HDAC9: variants seen among roughly 807,000 people sequenced by gnomAD.
The protein encoded by HDAC9 is histone deacetylase 9.
HDAC9 carries 41 observed loss-of-function variants against 139.4 expected under a neutral mutation model. The observed-to-expected ratio is 0.29, with a 90% CI of 0.23 to 0.38. The LOEUF (loss-of-function observed/expected upper bound fraction) is 0.38, where lower values mean the gene tolerates loss of function less well. Among genes scored for constraint, HDAC9 ranks in the 10% least tolerant of loss-of-function variants. HDAC9 has a pLI of 1.00. For missense variants in HDAC9, 1,147 were observed against 1,297.0 expected (o/e 0.88, Z 1.78); for synonymous variants, 517 against 476.2 (o/e 1.09, Z -1.12).
Position 18,582,942 on chromosome 7 carries a change from C to T in HDAC9, c.23-2339C>T, listed in dbSNP as rs142607870. ...GGCATTGTACACATATATGTATACA[C>T]GTGGGTCATATATATGATAATAATC... On this transcript the variant is annotated intron_variant, in intron 2 of 25. Transcript: ENST00000686413. 3.4e-3 allele frequency among the ~76,000 whole-genome samples: 519 copies of T among 152,170 alleles called. 6 individuals carry two copies. The highest frequency in any genetic ancestry group is 0.012 in the African/African-American group (488 of 41,518).
Position 18,547,575 on chromosome 7 carries a change from G to T in HDAC9, c.23-37706G>T, listed in dbSNP as rs912044967. On this transcript the variant is annotated intron_variant, in intron 2 of 25. Coordinates refer to ENST00000686413, the MANE Select transcript of HDAC9 (RefSeq NM_178425.4). ...TTAAAATAAGACAACAATGAAGTTG[G>T]CTGCATCGATTGACTTTTCCTTTCA... 5.9e-5 allele frequency among the ~76,000 whole-genome samples: 9 copies of T among 152,262 alleles called. 1 individual carries two copies. The highest frequency in any genetic ancestry group is 3.4e-3 in the Middle Eastern group (1 of 294).
At chr7:18,282,790 A>G (rs1797184298) in intron 2 of HDAC9, among the ~76,000 whole-genome samples, 1 of 152,070 alleles carries the variant, frequency 6.6e-6, no homozygotes, top group East Asian at 1.9e-4. Context: ...CTATACAGCC[A>G]GTCACCTTGT....
chr7:18,236,792 A>G (rs5022513), intron 2 of HDAC9, among the ~76,000 whole-genome samples: 15 of 152,232 alleles, frequency 9.9e-5, no homozygotes, highest in African/African-American at 2.6e-4. Context: ...CTGTGGCAAA[A>G]TATGATCCAC....
chr7:18,114,974 T>A (rs1783872758), intron 1 of HDAC9, among the ~76,000 whole-genome samples: 4 of 152,164 alleles, frequency 2.6e-5, no homozygotes, highest in Non-Finnish European at 5.9e-5. Flanking sequence ...GAGTATAGAT[T>A]AGAAGTGTAT....
chr7:18,108,083 T>G (rs1369660289), intron 1 of HDAC9, among the ~76,000 whole-genome samples: 3 of 152,194 alleles, frequency 2.0e-5, no homozygotes, highest in Non-Finnish European at 4.4e-5. Flanking sequence ...GTGAAAAATA[T>G]GCCTACAATT....
Position 18,666,459 on chromosome 7 carries a change from G to A in HDAC9, c.1714G>A (p.Ala572Thr). The change falls in exon 12 of 26, where the codon GCT becomes ACT. Residue 572 changes from alanine to threonine, a missense_variant. Physicochemically the swap from Ala to Thr is moderately conservative, Grantham distance 58. Around this residue, in one of 7 missense-constraint regions of HDAC9, gnomAD observed 256 missense variants for 219.2 expected, o/e 1.17. Transcript: ENST00000686413. ...QIQEMESGEQ[A>T]AFMQQPFLEP... Reference sequence around the variant, plus strand: ...CCAGGAAATGGAATCTGGGGAGCAGGCTGCTTTTATGCAACAGGTAATAGG... The same window carrying A: ...CCAGGAAATGGAATCTGGGGAGCAGACTGCTTTTATGCAACAGGTAATAGG... 2 of 1,610,002 alleles carry A rather than the reference G, an allele frequency of 1.2e-6. No homozygotes were observed. The highest frequency in any genetic ancestry group is 2.2e-5 in the South Asian group (2 of 90,776).
rs1830613976 is a variant in HDAC9 at position 18,590,402 on chromosome 7, C to G, written c.331C>G (p.Gln111Glu). 6.2e-7 allele frequency: 1 copy of G among 1,610,238 alleles called. No individual in the cohort carries two copies. The change falls in exon 4 of 26, where the codon CAG becomes GAG. Residue 111 changes from glutamine (Q) to glutamate (E), a missense_variant. Coordinates refer to ENST00000686413, the MANE Select transcript of HDAC9 (RefSeq NM_178425.4). ...ELLEKEQKLE[Q>E]QRQEQEVERH... ...CCTAGAAAAGGAGCAGAAACTGGAG[C>G]AGCAGAGGCAAGAACAGGAAGTAGA... is the stretch of plus-strand genomic sequence containing the variant.
chr7:18,945,446 C>T (rs747262731), intron 23 of HDAC9, among the ~76,000 whole-genome samples: 2 of 152,022 alleles, frequency 1.3e-5, no homozygotes, highest in East Asian at 1.9e-4. Context: ...GTCTTTTCAC[C>T]GTCTTAAAGG....
intron 8 of HDAC9, among the ~76,000 whole-genome samples, chr7:18,638,074 A>C (rs770303713): frequency 2.2e-4 from 34 of 152,034 alleles, no homozygotes; most frequent in Non-Finnish European, 5.0e-4. Context: ...TTGCACTCTA[A>C]AAAAATGGTT....
intron 2 of HDAC9, among the ~76,000 whole-genome samples, chr7:18,284,426 G>A (rs970239192): frequency 1.3e-5 from 2 of 152,120 alleles, no homozygotes; most frequent in African/African-American, 4.8e-5. Context: ...AATGTATTCA[G>A]TTGTGTGCTT....
intron 11 of HDAC9, among the ~76,000 whole-genome samples, chr7:18,652,120 A>C (rs1246681656): frequency 6.6e-6 from 1 of 152,150 alleles, no homozygotes; most frequent in Non-Finnish European, 1.5e-5. Flanking sequence ...TATGGTATTA[A>C]TATTTTTGTG....
intron 1 of HDAC9, among the ~76,000 whole-genome samples, chr7:18,153,345 A>C (rs1786922922): frequency 8.2e-6 from 1 of 121,796 alleles, no homozygotes. Context: ...CTGTTATGGA[A>C]TTTTCTGGGG....
At chr7:18,468,310 T>A (rs1794460544) in intron 1 of HDAC9, among the ~76,000 whole-genome samples, 1 of 152,222 alleles carries the variant, frequency 6.6e-6, no homozygotes, top group Non-Finnish European at 1.5e-5. Flanking sequence ...CTCCATTTAT[T>A]TATTTAACCA....
chr7:18,819,995 T>G (rs1794843263), intron 17 of HDAC9, among the ~76,000 whole-genome samples: 1 of 152,214 alleles, frequency 6.6e-6, no homozygotes, highest in Non-Finnish European at 1.5e-5. Flanking sequence ...TATTGCATAA[T>G]ATGGCATTTG....
intron 1 of HDAC9, among the ~76,000 whole-genome samples, chr7:18,485,528 T>TA (rs1157982677): frequency 6.6e-6 from 1 of 151,316 alleles, no homozygotes; most frequent in Non-Finnish European, 1.5e-5. Flanking sequence ...ATGATGTTTA[T>TA]AGCTGATGTT....
intron 11 of HDAC9, among the ~76,000 whole-genome samples, chr7:18,650,725 A>G (rs1584600138): frequency 6.6e-6 from 1 of 152,172 alleles, no homozygotes; most frequent in East Asian, 1.9e-4. Context: ...TTAGAAACAA[A>G]CCTATACTTT....
In HDAC9 at chr7:18,666,304, A is replaced by G. The variant is rs769328094; in HGVS notation, c.1559A>G (p.Glu520Gly). 6.2e-7 allele frequency: 1 copy of G among 1,613,496 alleles called. No individual in the cohort carries two copies. Among genetic ancestry groups the G allele is most frequent in the Non-Finnish European group, 8.5e-7 (1 of 1,179,608 alleles). ...CTTCAGGGGGACCAGGCGATGCAGG[A>G]AGACAGAGCGCCCTCTAGTGGCAAC... ...EELQGDQAMQ[E>G]DRAPSSGNST... The change falls in exon 12 of 26, where the codon GAA becomes GGA. Residue 520 changes from glutamate to glycine, a missense_variant. By Grantham distance (98) the Glu-to-Gly change is moderately conservative. Coordinates refer to ENST00000686413, the MANE Select transcript of HDAC9 (RefSeq NM_178425.4).
chr7:18,245,485 G>T (rs1794464626), intron 2 of HDAC9, among the ~76,000 whole-genome samples: 1 of 152,124 alleles, frequency 6.6e-6, no homozygotes, highest in African/African-American at 2.4e-5. Context: ...CTACTCAGGA[G>T]GCTGAGGCGG....
chr7:18,820,025 C>G lies in HDAC9; in HGVS notation c.2323-9136C>G, dbSNP rs1015750403. Among the ~76,000 whole-genome samples the G allele has an allele frequency of 9.9e-5, 15 of 152,034 alleles. 1 individual carries two copies. The highest frequency in any genetic ancestry group is 3.6e-4 in the African/African-American group (15 of 41,396). Reference sequence around the variant, plus strand: ...CATTTGTGGGTTTTACTACAACAATCTAAGATGCTCATAAGTTTAAAAAGG... The same window carrying G: ...CATTTGTGGGTTTTACTACAACAATGTAAGATGCTCATAAGTTTAAAAAGG... On this transcript the variant is annotated intron_variant, in intron 17 of 25. Transcript: ENST00000686413.
Sources: gnomAD v4.1 joint callset for allele counts (sites outside exome capture counted in the v4.1 genomes callset) on GRCh38, gnomAD v4.1.1 for gene constraint, gnomAD v4.1.1 regional missense constraint, MANE v1.5 for transcripts, NCBI Gene and HGNC (gene_info 2026-07-23, HGNC 2026-07-21) for gene names.